CSMD3: variants seen among roughly 807,000 people sequenced by gnomAD.
CSMD3 encodes the protein CUB and sushi domain-containing protein 3.
A neutral mutation model predicts 435.2 loss-of-function variants in CSMD3; 177 were observed. The observed-to-expected ratio is 0.41, with a 90% CI of 0.36 to 0.46. The LOEUF is 0.46. Ranked by LOEUF, CSMD3 falls within the 20% of genes least tolerant of loss-of-function variation. CSMD3 has a pLI of 0.34. For synonymous variants in CSMD3, 1,656 were observed against 1,520.5 expected, an observed-to-expected ratio of 1.09 and a Z score of -2.07; for missense variants, 4,265 against 4,504.6, an observed-to-expected ratio of 0.95 and a Z score of 1.52.
chr8:113,415,387 A>G (rs2094577333), intron 1 of CSMD3, among the ~76,000 whole-genome samples: 1 of 152,194 alleles, frequency 6.6e-6, no homozygotes, highest in Non-Finnish European at 1.5e-5. Context: ...AAAGTTAAAG[A>G]CCAGGCCTGT....
Position 112,800,285 on chromosome 8 carries a change from A to T in CSMD3, c.1860-11T>A, listed in dbSNP as rs905792067. ...AAGCTTCCAGTCAGCCTAAAAAGAG[A>T]TGGACAAAGAAGGGAGAGATGGGTT... On this transcript the variant is annotated splice_polypyrimidine_tract_variant and intron_variant, in intron 12 of 70. Transcript: ENST00000297405. 3.2e-6 allele frequency: 5 copies of T among 1,552,726 alleles called. No individual in the cohort carries two copies. Among genetic ancestry groups the T allele is most frequent in the Non-Finnish European group, 3.6e-6 (4 of 1,124,488 alleles).
intron 4 of CSMD3, among the ~76,000 whole-genome samples, chr8:113,153,899 G>A (rs966817751): frequency 3.3e-5 from 5 of 151,690 alleles, no homozygotes; most frequent in East Asian, 1.9e-4. Context: ...CAAGATTTCC[G>A]TTAAGCTTGT....
intron 5 of CSMD3, among the ~76,000 whole-genome samples, chr8:113,033,574 T>C (rs2087213453): frequency 2.0e-5 from 3 of 151,176 alleles, no homozygotes; most frequent in Non-Finnish European, 4.4e-5. Context: ...TTTTGATTTT[T>C]TTTTTTTTTT....
rs2130778732 is a variant in CSMD3 at position 112,304,842 on chromosome 8, A to G, written c.8145T>C (p.Tyr2715=). ...TGAAAACTACTTTGGTTTTGTATTC[A>G]TAATGGGAGCCATTCACAATTCGCC... The part of the protein sequence containing the change: ...GRWRIVNGSH[Y]EYKTKVVFSC... The change falls in exon 52 of 71, where the codon TAT becomes TAC. Residue 2715 remains tyrosine, a synonymous_variant. Transcript: ENST00000297405. The G allele has an allele frequency of 6.2e-7, 1 of 1,613,958 alleles. No individual in the cohort carries two copies.
chr8:113,429,350 CA>C (rs1226743813), intron 1 of CSMD3, among the ~76,000 whole-genome samples: 6 of 151,404 alleles, frequency 4.0e-5, no homozygotes, highest in Non-Finnish European at 3.0e-5. Flanking sequence ...AAAAAAGAAA[CA>C]TTTCTCTAGA....
At chr8:112,933,464 G>C (rs1198568928) in intron 9 of CSMD3, among the ~76,000 whole-genome samples, 1 of 152,094 alleles carries the variant, frequency 6.6e-6, no homozygotes, top group African/African-American at 2.4e-5. Flanking sequence ...TATATTTGCT[G>C]TCTTTCCACC....
At chr8:113,279,585 T>G (rs2093597481) in intron 2 of CSMD3, among the ~76,000 whole-genome samples, 1 of 151,782 alleles carries the variant, frequency 6.6e-6, no homozygotes, top group South Asian at 2.1e-4. Flanking sequence ...TCTGTATATA[T>G]GTTTAAATAA....
At chr8:113,156,085 A>T (rs1462994383) in intron 4 of CSMD3, among the ~76,000 whole-genome samples, 1 of 152,076 alleles carries the variant, frequency 6.6e-6, no homozygotes, top group Non-Finnish European at 1.5e-5. Context: ...GGAGCAAGAC[A>T]AAAAGCAACA....
chr8:112,235,714 C>T (rs1813512027), intron 67 of CSMD3, among the ~76,000 whole-genome samples: 1 of 151,952 alleles, frequency 6.6e-6, no homozygotes, highest in Non-Finnish European at 1.5e-5. Context: ...CCATAATATG[C>T]AGGAAATGAA....
intron 10 of CSMD3, among the ~76,000 whole-genome samples, chr8:112,897,692 C>CTG (rs1172828603): frequency 1.5e-3 from 88 of 57,056 alleles, no homozygotes; most frequent in Non-Finnish European, 2.4e-3. Context: ...CTCTCTCTCT[C>CTG]TCTGTGTGTG....
At chr8:112,501,395 G>GAAAAAAAAAAAAAAAAAAAA (rs753817533) in intron 30 of CSMD3, among the ~76,000 whole-genome samples, 1 of 102,170 alleles carries the variant, frequency 9.8e-6, no homozygotes, top group Non-Finnish European at 2.1e-5. Flanking sequence ...CCATCTCAAG[G>GAAAAAAAAAAAAAAAAAAAA]AAAAAAAAAA....
intron 3 of CSMD3, among the ~76,000 whole-genome samples, chr8:113,235,023 G>A (rs961860694): frequency 6.6e-6 from 1 of 152,094 alleles, no homozygotes; most frequent in Non-Finnish European, 1.5e-5. Flanking sequence ...ATATCCAGAC[G>A]TGTTGACAGA....
intron 5 of CSMD3, among the ~76,000 whole-genome samples, chr8:113,032,206 T>C (rs962379490): frequency 6.6e-6 from 1 of 151,484 alleles, no homozygotes; most frequent in Non-Finnish European, 1.5e-5. Context: ...GGAAGCGACT[T>C]TGGAAGTGGG....
intron 4 of CSMD3, among the ~76,000 whole-genome samples, chr8:113,139,302 C>A (rs561591847): frequency 6.6e-6 from 1 of 150,732 alleles, no homozygotes; most frequent in South Asian, 2.1e-4. Context: ...TTTCTTCTTA[C>A]CTTGAATTTT....
intron 27 of CSMD3, among the ~76,000 whole-genome samples, chr8:112,539,687 T>C (rs1826478278): frequency 6.6e-6 from 1 of 152,028 alleles, no homozygotes; most frequent in Non-Finnish European, 1.5e-5. Flanking sequence ...GCTGCAGAAA[T>C]TGGATATCCA....
chr8:112,506,233 C>T (rs1822501572), intron 29 of CSMD3, among the ~76,000 whole-genome samples: 2 of 152,024 alleles, frequency 1.3e-5, no homozygotes, highest in African/African-American at 4.8e-5. Flanking sequence ...AAACTGGCCT[C>T]AGTACGTTAG....
chr8:113,408,517 C>G (rs531682938), intron 1 of CSMD3, among the ~76,000 whole-genome samples: 2 of 151,948 alleles, frequency 1.3e-5, no homozygotes, highest in African/African-American at 4.8e-5. Context: ...GAGCTCGATT[C>G]TATAGTTTTT....
At chr8:112,423,830 T>G (rs1812771112) in intron 32 of CSMD3, among the ~76,000 whole-genome samples, 1 of 152,210 alleles carries the variant, frequency 6.6e-6, no homozygotes, top group Non-Finnish European at 1.5e-5. Context: ...TGTTTGAGCC[T>G]CTACCTCTTG....
chr8:112,661,938 G>T (rs1333990196), intron 17 of CSMD3, among the ~76,000 whole-genome samples: 1 of 152,032 alleles, frequency 6.6e-6, no homozygotes, highest in Admixed American at 6.6e-5. Context: ...TAGGTATTTT[G>T]AGACTTACCC....
Sources: gnomAD v4.1 joint callset for allele counts (sites outside exome capture counted in the v4.1 genomes callset) on GRCh38, gnomAD v4.1.1 for gene constraint, MANE v1.5 for transcripts, NCBI Gene and HGNC (gene_info 2026-07-23, HGNC 2026-07-21) for gene names.